The following GPC6 variants were observed in gnomAD, a reference collection of about 807,000 sequenced individuals.
GPC6 encodes the protein glypican 6.
A neutral mutation model predicts 55.2 loss-of-function variants in GPC6; 14 were observed. The observed-to-expected ratio is 0.25, with a 90% CI of 0.17 to 0.40. The LOEUF is 0.40. Among genes scored for constraint, GPC6 ranks in the 10% least tolerant of loss-of-function variants. The pLI, the probability that GPC6 is intolerant of heterozygous loss-of-function variation, is 1.00. For synonymous variants in GPC6, 278 were observed against 259.6 expected, an observed-to-expected ratio of 1.07 and a Z score of -0.68; for missense variants, 641 against 708.5, an observed-to-expected ratio of 0.90 and a Z score of 1.08.
chr13:93,267,075 A>T (rs1191426828), intron 1 of GPC6, among the ~76,000 whole-genome samples: 3 of 152,228 alleles, frequency 2.0e-5, no homozygotes, highest in African/African-American at 7.2e-5. Flanking sequence ...GAGTAATGAT[A>T]GTTCACTAAT....
chr13:93,561,404 G>GATATATATATATATATATATATATAT lies in GPC6; in HGVS notation c.319+16005_319+16006insATATATATATATATATATATATATAT, dbSNP rs66957373. On this transcript the variant is annotated intron_variant, in intron 2 of 8. Coordinates refer to ENST00000377047, the MANE Select transcript of GPC6 (RefSeq NM_005708.5). Reference sequence around the variant, plus strand: ...AATAATTGCATACTATATCCCTATCGATATATATATATATATATATATTTG... The same window carrying GATATATATATATATATATATATATAT: ...AATAATTGCATACTATATCCCTATCGATATATATATATATATATATATATATATATATATATATATATATATATTTG... 5.6e-3 allele frequency among the ~76,000 whole-genome samples: 588 copies of GATATATATATATATATATATATATAT among 104,410 alleles called. 33 individuals are homozygous for GATATATATATATATATATATATATAT. Among genetic ancestry groups the GATATATATATATATATATATATATAT allele is most frequent in the African/African-American group, 0.012 (291 of 23,988 alleles). The allele number at this position is 104,410 out of a possible 152,430, so 68.5% of individuals were successfully genotyped here. A position where few individuals can be genotyped will look rare whatever the true frequency, so the allele number is the denominator to read the frequency against.
chr13:94,224,088 G>T (rs1890471247), intron 4 of GPC6, among the ~76,000 whole-genome samples: 1 of 151,950 alleles, frequency 6.6e-6, no homozygotes, highest in Non-Finnish European at 1.5e-5. Context: ...CTGAAGTGCT[G>T]TCTCGTGTTC....
intron 1 of GPC6, among the ~76,000 whole-genome samples, chr13:93,263,019 C>A (rs988866034): frequency 5.9e-5 from 9 of 151,964 alleles, no homozygotes; most frequent in African/African-American, 2.2e-4. Flanking sequence ...CAAAGGAGTG[C>A]AATATTCGTG....
chr13:93,534,053 C>T (rs4773749), intron 1 of GPC6, among the ~76,000 whole-genome samples: 140,599 of 152,096 alleles, frequency 0.92, 65,020 homozygotes, highest in African/African-American at 0.96. Context: ...TGCTTGGCCT[C>T]GCATCTGCAG....
chr13:94,261,821 G>A (rs1429043933), intron 4 of GPC6, among the ~76,000 whole-genome samples: 1 of 152,208 alleles, frequency 6.6e-6, no homozygotes, highest in East Asian at 1.9e-4. Flanking sequence ...AGTGAGAGCA[G>A]TTTGTGGCCA....
At chr13:93,584,183 C>T (rs1354193564) in intron 2 of GPC6, among the ~76,000 whole-genome samples, 1 of 152,154 alleles carries the variant, frequency 6.6e-6, no homozygotes, top group Non-Finnish European at 1.5e-5. Context: ...TCTGAGATAA[C>T]AGCATCGAAG....
intron 4 of GPC6, among the ~76,000 whole-genome samples, chr13:94,220,268 G>T (rs762829619): frequency 6.6e-6 from 1 of 152,040 alleles, no homozygotes; most frequent in Non-Finnish European, 1.5e-5. Flanking sequence ...TACGTTCCAA[G>T]TCCTCTTCAT....
At chr13:94,374,327 G>A (rs9561546) in intron 6 of GPC6, among the ~76,000 whole-genome samples, 60,438 of 149,674 alleles carry the variant, frequency 0.4, 12,506 homozygotes, top group East Asian at 0.56. Flanking sequence ...CCCATCTCAC[G>A]TGCAGAGACC....
chr13:93,664,445 T>C (rs147195410), intron 2 of GPC6, among the ~76,000 whole-genome samples: 102 of 152,334 alleles, frequency 6.7e-4, no homozygotes, highest in African/African-American at 2.4e-3. Context: ...GCATTTCCCT[T>C]GTTAAGGGAA....
At chr13:94,322,158 G>A (rs531485489) in intron 6 of GPC6, among the ~76,000 whole-genome samples, 1 of 152,280 alleles carries the variant, frequency 6.6e-6, no homozygotes, top group East Asian at 1.9e-4. Context: ...TCACGAGACT[G>A]TGAGGAAGTC....
At chr13:93,449,152 G>T (rs570462148) in intron 1 of GPC6, among the ~76,000 whole-genome samples, 1 of 152,228 alleles carries the variant, frequency 6.6e-6, no homozygotes, top group African/African-American at 2.4e-5. Flanking sequence ...ACAATGTAAG[G>T]ATGCCCATGC....
chr13:94,339,651 T>G (rs2139153954), intron 6 of GPC6, among the ~76,000 whole-genome samples: 1 of 151,176 alleles, frequency 6.6e-6, no homozygotes, highest in South Asian at 2.1e-4. Flanking sequence ...TGAGCTGAAA[T>G]GGAGTGAGAT....
chr13:93,712,553 A>T (rs1168674815), intron 2 of GPC6, among the ~76,000 whole-genome samples: 2 of 151,712 alleles, frequency 1.3e-5, no homozygotes, highest in African/African-American at 2.4e-5. Flanking sequence ...TTCCTGTGTG[A>T]ACACCTTGAA....
intron 2 of GPC6, among the ~76,000 whole-genome samples, chr13:93,814,042 T>A (rs920290860): frequency 6.6e-6 from 1 of 152,090 alleles, no homozygotes; most frequent in Non-Finnish European, 1.5e-5. Context: ...CTGCTTTTGG[T>A]TTTTCTTTTC....
At chr13:93,817,964 T>TAA (rs1886918103) in intron 2 of GPC6, among the ~76,000 whole-genome samples, 2 of 147,848 alleles carry the variant, frequency 1.4e-5, no homozygotes, top group East Asian at 1.9e-4. Context: ...CCTATATATA[T>TAA]AATACATAAA....
chr13:93,250,477 A>G (rs1876748577), intron 1 of GPC6, among the ~76,000 whole-genome samples: 1 of 152,176 alleles, frequency 6.6e-6, no homozygotes, highest in Non-Finnish European at 1.5e-5. Context: ...CTTTCTGGGC[A>G]TGAAGACCTC....
At chr13:93,933,214 G>A (rs923784783) in intron 3 of GPC6, among the ~76,000 whole-genome samples, 12 of 152,106 alleles carry the variant, frequency 7.9e-5, no homozygotes, top group African/African-American at 2.9e-4. Context: ...TTCCCCAGGG[G>A]CCATTTAGAA....
intron 2 of GPC6, among the ~76,000 whole-genome samples, chr13:93,720,029 T>A (rs569435263): frequency 1.3e-4 from 20 of 152,240 alleles, no homozygotes; most frequent in Admixed American, 1.0e-3. Flanking sequence ...ATCTGATATA[T>A]TGGCCTGAAA....
chr13:93,376,588 G>C (rs1330870010), intron 1 of GPC6, among the ~76,000 whole-genome samples: 2 of 152,146 alleles, frequency 1.3e-5, no homozygotes, highest in Non-Finnish European at 2.9e-5. Context: ...CAGTAAGACA[G>C]ACAAGGCTTG....
Sources: gnomAD v4.1 joint callset for allele counts (sites outside exome capture counted in the v4.1 genomes callset) on GRCh38, gnomAD v4.1.1 for gene constraint, MANE v1.5 for transcripts, NCBI Gene and HGNC (gene_info 2026-07-23, HGNC 2026-07-21) for gene names.